Variants in AZIN2 observed in about 807,000 individuals in gnomAD.
AZIN2 encodes ODC antizyme inhibitor-2.
Under a neutral mutation model 47.8 loss-of-function variants are expected in AZIN2, and 28 were observed. The observed-to-expected ratio is 0.59, with a 90% CI of 0.43 to 0.80. The LOEUF is 0.80. Among genes scored for constraint, AZIN2 ranks in the 30% least tolerant of loss-of-function variants. The pLI, the probability that AZIN2 is intolerant of heterozygous loss-of-function variation, is 0.00. For missense variants in AZIN2, 535 were observed against 582.5 expected, an observed-to-expected ratio of 0.92 and a Z score of 0.84; for synonymous variants, 221 against 239.4, an observed-to-expected ratio of 0.92 and a Z score of 0.71.
downstream of AZIN2, among the ~76,000 whole-genome samples, chr1:33,125,101 C>A (rs1644847929): frequency 6.6e-6 from 1 of 152,178 alleles, no homozygotes; most frequent in Non-Finnish European, 1.5e-5. Flanking sequence ...ACTCTGTTCA[C>A]CCCAGCTCAG....
At chr1:33,166,342 C>T in the AZIN2 span, 1 of 152,074 alleles carries the variant, frequency 6.6e-6, no homozygotes, top group African/African-American at 2.4e-5. Context: ...ACCCCCACCC[C>T]CTGCGGTTTG....
chr1:33,107,380 G>C (rs937902511), intron 10 of AZIN2, among the ~76,000 whole-genome samples: 9 of 152,100 alleles, frequency 5.9e-5, no homozygotes, highest in Admixed American at 2.6e-4. Flanking sequence ...AGGAGTTCGA[G>C]ACCAGCCTGG....
chr1:33,127,235 T>A (rs1644862880), downstream of AZIN2, among the ~76,000 whole-genome samples: 1 of 152,378 alleles, frequency 6.6e-6, no homozygotes, highest in African/African-American at 2.4e-5. Context: ...GAACCATGAC[T>A]GCTCAGCTTC....
At chr1:33,150,740 T>G in the AZIN2 span, among the ~76,000 whole-genome samples, 1 of 149,842 alleles carries the variant, frequency 6.7e-6, no homozygotes. Flanking sequence ...GAGGTGGGAG[T>G]GGGAGGGAGC....
intron 5 of AZIN2, among the ~76,000 whole-genome samples, chr1:33,089,994 C>T (rs1642353250): frequency 6.6e-6 from 1 of 152,138 alleles, no homozygotes; most frequent in Non-Finnish European, 1.5e-5. Context: ...GTTTCCTTCT[C>T]TGTAGATTGG....
intron 5 of AZIN2, among the ~76,000 whole-genome samples, chr1:33,084,892 G>A (rs1641713975): frequency 6.6e-6 from 1 of 152,112 alleles, no homozygotes; most frequent in Admixed American, 6.5e-5. Flanking sequence ...GAGCCACCGC[G>A]CATAGCCACT....
At chr1:33,101,738 G>C (rs188965923) in intron 10 of AZIN2, 5 of 664,744 alleles carry the variant, frequency 7.5e-6, no homozygotes, top group Non-Finnish European at 1.4e-5. Flanking sequence ...TATTCCTCGA[G>C]TGTATTTATA....
chr1:33,096,930 TG>T, intron 9 of AZIN2, 61 bp downstream of exon 9: 4 of 1,604,682 alleles, frequency 2.5e-6, no homozygotes, highest in Non-Finnish European at 3.4e-6. Context: ...AGTGGTTGGC[TG>T]AGCAGGATCT....
intron 7 of AZIN2, 58 bp downstream of exon 7, chr1:33,093,474 A>C (rs1425315498): frequency 8.2e-6 from 13 of 1,586,304 alleles, no homozygotes; most frequent in Non-Finnish European, 1.0e-5. Context: ...CCTCTTTCCC[A>C]GGAATTAATT....
intron 8 of AZIN2, among the ~76,000 whole-genome samples, chr1:33,095,596 T>C (rs1643064927): frequency 6.6e-6 from 1 of 152,230 alleles, no homozygotes; most frequent in Admixed American, 6.5e-5. Flanking sequence ...TTTCCTTTTC[T>C]GTATTTTCTG....
In AZIN2 at chr1:33,095,268, T is replaced by A. The variant is rs1464405812; in HGVS notation, c.753+555T>A. 2.6e-5 allele frequency among the ~76,000 whole-genome samples: 4 copies of A among 152,362 alleles called. No individual in the cohort carries two copies. In the East Asian group the frequency reaches 5.8e-4, roughly 22 times the overall value. On this transcript the variant is annotated intron_variant, in intron 8 of 11. Transcript: ENST00000294517. The stretch of plus-strand genomic sequence containing the variant: ...TTGACCTTACAGAAATGATTTGGGA[T>A]AGTCTCAAAGAATTTGCCTCAAAGA...
At chr1:33,150,896 G>C in the AZIN2 span, among the ~76,000 whole-genome samples, 2 of 152,170 alleles carry the variant, frequency 1.3e-5, no homozygotes, top group Non-Finnish European at 2.9e-5. Context: ...ACAGTGCCCA[G>C]GCATGAACAG....
the AZIN2 span, among the ~76,000 whole-genome samples, chr1:33,160,523 G>C: frequency 6.6e-6 from 1 of 152,066 alleles, no homozygotes; most frequent in Non-Finnish European, 1.5e-5. Flanking sequence ...TCCAGCCTCA[G>C]CCTCCCTAGT....
At chr1:33,119,720 G>T in intron 11 of AZIN2, 1 of 396,616 alleles carries the variant, frequency 2.5e-6, no homozygotes, top group Non-Finnish European at 4.7e-6. Flanking sequence ...GGAACTGATT[G>T]ATTACATCAT....
intron 11 of AZIN2, chr1:33,118,899 T>C (rs1644688940): frequency 6.6e-6 from 1 of 152,246 alleles, no homozygotes; most frequent in Non-Finnish European, 1.5e-5. Flanking sequence ...GTCGTATGAC[T>C]ATTTCACCCA....
At chr1:33,086,244 C>T (rs1040038727) in intron 5 of AZIN2, among the ~76,000 whole-genome samples, 1 of 152,022 alleles carries the variant, frequency 6.6e-6, no homozygotes. Context: ...GGATTCTGAC[C>T]GTAGCCTGGT....
At chr1:33,165,606 GCCTGGC>G in the AZIN2 span, 2 of 1,538,908 alleles carry the variant, frequency 1.3e-6, no homozygotes, top group Non-Finnish European at 1.8e-6. The surrounding 1 kb of genome is among the most constrained non-coding windows in gnomAD (Gnocchi z 4.0). Flanking sequence ...CAGGGGCCAT[GCCTGGC>G]CCAGGCATTC....
intron 10 of AZIN2, among the ~76,000 whole-genome samples, chr1:33,103,485 C>A (rs191696904): frequency 5.3e-4 from 80 of 152,310 alleles, no homozygotes; most frequent in South Asian, 1.0e-3. Context: ...TCAGATGTCA[C>A]CTTGTCAGGG....
the AZIN2 span, among the ~76,000 whole-genome samples, chr1:33,150,423 C>G: frequency 6.6e-6 from 1 of 152,258 alleles, no homozygotes; most frequent in Admixed American, 6.5e-5. Flanking sequence ...ACCCACTGGA[C>G]CAGTGACCTA....
Sources: gnomAD v4.1 joint callset for allele counts (sites outside exome capture counted in the v4.1 genomes callset) on GRCh38, gnomAD v4.1.1 for gene constraint, Gnocchi (gnomAD v3.1) non-coding constraint, MANE v1.5 for transcripts, NCBI Gene and HGNC (gene_info 2026-07-23, HGNC 2026-07-21) for gene names.